The following TJP1 variants were observed in gnomAD, a reference collection of about 807,000 sequenced individuals.
The protein encoded by TJP1 is tight junction protein 1.
A neutral mutation model predicts 194.2 loss-of-function variants in TJP1; 43 were observed. That is an observed-to-expected ratio of 0.22 (90% confidence interval 0.17 to 0.29). TJP1 has a LOEUF of 0.29. TJP1 is among the 10% of genes least tolerant of loss of function. The pLI is 1.00. For missense variants in TJP1, 1,971 were observed against 2,185.7 expected (o/e 0.90, Z 1.96); for synonymous variants, 801 against 779.0 (o/e 1.03, Z -0.47).
At chr15:29,886,603 T>TAA (rs145605450) in intron 2 of TJP1, among the ~76,000 whole-genome samples, 1 of 145,144 alleles carries the variant, frequency 6.9e-6, no homozygotes, top group African/African-American at 2.5e-5. Context: ...GGCCATGTCT[T>TAA]AAAAAAAAAA....
At chr15:29,711,405 G>A (rs1166074468) in intron 23 of TJP1, among the ~76,000 whole-genome samples, 1 of 151,956 alleles carries the variant, frequency 6.6e-6, no homozygotes, top group African/African-American at 2.4e-5. Flanking sequence ...TCATTCTGTC[G>A]CCCAGACTGG....
intron 2 of TJP1, chr15:29,800,366 A>C (rs1456011747): frequency 4.8e-6 from 2 of 417,840 alleles, no homozygotes; most frequent in East Asian, 9.2e-5. Flanking sequence ...AATTTATACT[A>C]ATGTACAGAG....
At chr15:29,918,716 G>C (rs771606690) in intron 2 of TJP1, among the ~76,000 whole-genome samples, 3 of 151,568 alleles carry the variant, frequency 2.0e-5, no homozygotes, top group Non-Finnish European at 4.4e-5. Flanking sequence ...TCCTGCCTGG[G>C]TGACAGAGTG....
At chr15:29,897,169 C>T (rs2053501534) in intron 2 of TJP1, among the ~76,000 whole-genome samples, 1 of 152,158 alleles carries the variant, frequency 6.6e-6, no homozygotes, top group Non-Finnish European at 1.5e-5. Context: ...TTTTGTGGGC[C>T]AGGCCCAGGG....
Position 29,741,282 on chromosome 15 carries a change from A to C in TJP1, c.1256+49T>G, listed in dbSNP as rs762061275. On this transcript the variant is annotated intron_variant, in intron 10 of 27. Transcript: ENST00000614355. ...TTACAATTAAATTCCTACTCTGAAT[A>C]ATGTTAATAATGAACAAAGAAAACA... 4 of 1,368,300 alleles carry C rather than the reference A, an allele frequency of 2.9e-6. No individual in the cohort carries two copies. The South Asian group carries it at 5.1e-5, about 17-fold the overall frequency. 84.8% of individuals were successfully genotyped at this position (1,368,300 alleles called of 1,614,324 possible).
chr15:29,885,965 CAGGAA>C (rs2053101807), intron 2 of TJP1, among the ~76,000 whole-genome samples: 1 of 152,074 alleles, frequency 6.6e-6, no homozygotes, highest in Admixed American at 6.6e-5. Flanking sequence ...AGGCTTGGGA[CAGGAA>C]AGGAAAGAGC....
chr15:29,968,521 G>C, intron 1 of TJP1: 1 of 805,836 alleles, frequency 1.2e-6, no homozygotes, highest in East Asian at 1.3e-4. Flanking sequence ...CGCCCCGCGC[G>C]GCGCGCCCCG....
At chr15:29,798,390 C>T (rs1354020173) in intron 2 of TJP1, among the ~76,000 whole-genome samples, 7 of 151,798 alleles carry the variant, frequency 4.6e-5, no homozygotes, top group South Asian at 4.2e-4. Context: ...GGAATATTTG[C>T]GTTATACTTA....
chr15:29,810,568 A>G (rs767123159), intron 1 of TJP1, among the ~76,000 whole-genome samples: 2 of 152,202 alleles, frequency 1.3e-5, no homozygotes, highest in Non-Finnish European at 2.9e-5. Context: ...GTGGTCTAAC[A>G]TTACCAGTAA....
Position 29,705,788 on chromosome 15 carries a change from C to A in TJP1, c.4851-43G>T, listed in dbSNP as rs201647996. 1.7e-5 allele frequency: 27 copies of A among 1,569,014 alleles called. No homozygotes were observed. The East Asian group carries it at 5.6e-4, about 33-fold the overall frequency. ...GCTAGTGAGTGAATTCCTAATAATA[C>A]ACAGGTGCTTTGCTTTTACTACTAC... On this transcript the variant is annotated intron_variant, in intron 25 of 27. Transcript: ENST00000614355.
At chr15:29,858,739 G>T (rs2051958666) in intron 2 of TJP1, among the ~76,000 whole-genome samples, 1 of 151,964 alleles carries the variant, frequency 6.6e-6, no homozygotes, top group South Asian at 2.1e-4. Flanking sequence ...TAGAGACAGG[G>T]TTTTACCATG....
At chr15:29,800,790 C>A (rs539827958) in intron 1 of TJP1, 88 bp from the exon 2 acceptor site, 1 of 1,264,200 alleles carries the variant, frequency 7.9e-7, no homozygotes, top group East Asian at 2.3e-5. Flanking sequence ...ATTCAGCACA[C>A]TGAAATACCA....
chr15:29,965,957 G>A (rs966987291), intron 1 of TJP1, among the ~76,000 whole-genome samples: 13 of 152,120 alleles, frequency 8.5e-5, no homozygotes, highest in Admixed American at 1.3e-4. Flanking sequence ...TTTCCAGGCC[G>A]CCTCTTAGTA....
Position 29,770,691 on chromosome 15 carries a change from AG to A in TJP1, c.312+1372del, listed in dbSNP as rs201832192. Among the ~76,000 whole-genome samples, 442 of 151,100 alleles carry A rather than the reference AG, an allele frequency of 2.9e-3. 7 individuals carry two copies. In the East Asian group the frequency reaches 0.059, roughly 20 times the overall value. On this transcript the variant is annotated intron_variant, in intron 4 of 27. Coordinates refer to ENST00000614355, the MANE Select transcript of TJP1 (RefSeq NM_001330239.4). ...TGAGACTCTGTCTCAAAAAAAAAAA[AG>A]AAAAAAACCAAAAAGAACCCAAAAA...
chr15:29,888,417 G>A (rs902476082), intron 2 of TJP1, among the ~76,000 whole-genome samples: 1 of 151,940 alleles, frequency 6.6e-6, no homozygotes, highest in African/African-American at 2.4e-5. Context: ...CAAAAAAGAA[G>A]GCATTGAGGC....
At chr15:29,968,791 C>T in exon 1 of TJP1, 1 of 1,208,226 alleles carries the variant, frequency 8.3e-7, no homozygotes, top group Non-Finnish European at 1.1e-6. Context: ...CGGGCAGGGC[C>T]CCGCCGCCTC....
At position 29,733,244 on chromosome 15, in the gene TJP1, T is replaced by G; in HGVS notation, c.1586A>C (p.Lys529Thr). The part of the protein sequence containing the change: ...FYIRTHFEYE[K>T]ESPYGLSFNK... ...AAAACTAAGTCCATAGGGAGATTCC[T>G]TTTCATATTCAAAATGGGTTCTAAT... Residue 529 changes from lysine to threonine, a missense_variant, in exon 13 of 28, where the codon AAG becomes ACG. Around this residue, in one of 5 missense-constraint regions of TJP1, gnomAD observed 402 missense variants for 484.2 expected, o/e 0.83. Coordinates refer to ENST00000614355, the MANE Select transcript of TJP1 (RefSeq NM_001330239.4). 6.2e-7 allele frequency: 1 copy of G among 1,614,044 alleles called. No homozygotes were observed. The highest frequency in any genetic ancestry group is 8.5e-7 in the Non-Finnish European group (1 of 1,179,940).
At chr15:29,747,527 G>GA (rs2044883382) in intron 8 of TJP1, among the ~76,000 whole-genome samples, 1 of 151,892 alleles carries the variant, frequency 6.6e-6, no homozygotes, top group South Asian at 2.1e-4. Context: ...AGAGAAAAGT[G>GA]AAAAAATAAG....
intron 2 of TJP1, among the ~76,000 whole-genome samples, chr15:29,938,197 G>A (rs942372315): frequency 6.6e-6 from 1 of 152,210 alleles, no homozygotes; most frequent in Non-Finnish European, 1.5e-5. Flanking sequence ...AATGGTATGG[G>A]AAGGTCGGTG....
Sources: allele counts gnomAD v4.1 joint callset (sites outside exome capture counted in the v4.1 genomes callset), GRCh38; gene constraint gnomAD v4.1.1; regional missense constraint gnomAD v4.1.1; transcripts MANE v1.5; gene names NCBI Gene and HGNC (gene_info 2026-07-23, HGNC 2026-07-21).